Variants in EYA1 observed in about 807,000 individuals in gnomAD.
EYA1 encodes the protein protein phosphatase EYA1.
Under a neutral mutation model 82.0 loss-of-function variants are expected in EYA1, and 16 were observed. The observed-to-expected ratio is 0.20, with a 90% CI of 0.13 to 0.30. The LOEUF (loss-of-function observed/expected upper bound fraction) is 0.30. Among genes scored for constraint, EYA1 ranks in the 10% least tolerant of loss-of-function variants. The probability of loss-of-function intolerance (pLI) is 1.00; values close to 1 mark genes in which losing one functional copy is unlikely to be tolerated. For missense variants in EYA1, 633 were observed against 730.7 expected, an observed-to-expected ratio of 0.87 and a Z score of 1.54; for synonymous variants, 261 against 264.4, an observed-to-expected ratio of 0.99 and a Z score of 0.12.
chr8:71,271,735 C>G, intron 10 of EYA1, 23 bp downstream of exon 10: 1 of 1,614,150 alleles, frequency 6.2e-7, no homozygotes, highest in Non-Finnish European at 8.5e-7. Context: ...TTTCTATTCA[C>G]TTGGGTGTTG....
intron 2 of EYA1, among the ~76,000 whole-genome samples, chr8:71,399,931 G>T (rs538291952): frequency 2.0e-4 from 31 of 152,238 alleles, no homozygotes; most frequent in Non-Finnish European, 3.7e-4. Context: ...AAACAGAATG[G>T]CTCTGGTATA....
chr8:71,252,488 C>T (rs1037922149), intron 11 of EYA1, among the ~76,000 whole-genome samples: 2 of 152,088 alleles, frequency 1.3e-5, no homozygotes, highest in Admixed American at 6.5e-5. Context: ...CATACAATTC[C>T]TCATACCAAT....
chr8:71,233,437 G>A (rs1038668378), intron 12 of EYA1, among the ~76,000 whole-genome samples: 2 of 151,848 alleles, frequency 1.3e-5, no homozygotes, highest in South Asian at 2.1e-4. Flanking sequence ...GGTGGTGGGC[G>A]CCTGTATTCC....
intron 16 of EYA1, among the ~76,000 whole-genome samples, chr8:71,213,961 C>A (rs1363006363): frequency 6.6e-6 from 1 of 152,114 alleles, no homozygotes; most frequent in Non-Finnish European, 1.5e-5. Flanking sequence ...CAAACCCAGT[C>A]CTCAAGATTA....
chr8:71,510,947 A>G (rs1326289200), intron 2 of EYA1, among the ~76,000 whole-genome samples: 1 of 152,056 alleles, frequency 6.6e-6, no homozygotes, highest in African/African-American at 2.4e-5. Flanking sequence ...TGTGCCAGGG[A>G]GGGAGTCTTT....
At chr8:71,397,938 G>A (rs1357052507) in intron 2 of EYA1, among the ~76,000 whole-genome samples, 1 of 152,150 alleles carries the variant, frequency 6.6e-6, no homozygotes, top group African/African-American at 2.4e-5. Flanking sequence ...ATCAGACATA[G>A]ATTTGGTGTT....
At chr8:71,347,302 C>T (rs1239689946) in intron 3 of EYA1, among the ~76,000 whole-genome samples, 1 of 150,884 alleles carries the variant, frequency 6.6e-6, no homozygotes, top group Non-Finnish European at 1.5e-5. Context: ...AAAAGTTACC[C>T]TAAAGATTGT....
intron 2 of EYA1, among the ~76,000 whole-genome samples, chr8:71,402,228 C>G (rs1201063983): frequency 6.6e-6 from 1 of 152,160 alleles, no homozygotes; most frequent in Non-Finnish European, 1.5e-5. Flanking sequence ...TTCCCCAGAC[C>G]TCAGTTAGAG....
intron 2 of EYA1, among the ~76,000 whole-genome samples, chr8:71,372,244 T>C (rs1018387058): frequency 6.6e-6 from 1 of 152,106 alleles, no homozygotes; most frequent in East Asian, 1.9e-4. Flanking sequence ...ACTTCAGACT[T>C]CTCAATTAGA....
At chr8:71,369,216 A>C (rs1366894048) in intron 2 of EYA1, among the ~76,000 whole-genome samples, 3 of 151,994 alleles carry the variant, frequency 2.0e-5, no homozygotes, top group Admixed American at 2.0e-4. Context: ...AAAAAAAAAA[A>C]AAAAAAACTT....
chr8:71,510,840 A>C (rs1157705346), intron 2 of EYA1, among the ~76,000 whole-genome samples: 1 of 152,248 alleles, frequency 6.6e-6, no homozygotes, highest in Non-Finnish European at 1.5e-5. Flanking sequence ...AAGGGCTTAC[A>C]AGGCTGAAGA....
intron 2 of EYA1, among the ~76,000 whole-genome samples, chr8:71,381,423 A>C (rs1485538352): frequency 6.6e-6 from 1 of 152,206 alleles, no homozygotes; most frequent in East Asian, 1.9e-4. Context: ...AAGCTGCTCT[A>C]TGCCAAAAGG....
intron 2 of EYA1, among the ~76,000 whole-genome samples, chr8:71,424,086 G>T (rs1385556059): frequency 6.6e-6 from 1 of 152,176 alleles, no homozygotes; most frequent in African/African-American, 2.4e-5. Context: ...AAGACAAAAT[G>T]TTGGATGAAA....
rs992024363 is a variant in EYA1, at chr8:71,198,498, A to G, written c.*842T>C. On this transcript the variant is annotated 3_prime_UTR_variant, in exon 18 of 18. Transcript: ENST00000340726. ...CGAAAACTCAGATAAGGCACGGCACATGAATTTGTGCACGTGCTGCCTCAT... is the reference window on the plus strand; with the variant it reads ...CGAAAACTCAGATAAGGCACGGCACGTGAATTTGTGCACGTGCTGCCTCAT... 6.6e-6 allele frequency: 1 copy of G among 152,608 alleles called. No individual in the cohort carries two copies. Among genetic ancestry groups the G allele is most frequent in the African/African-American group, 2.4e-5 (1 of 41,446 alleles). 9.5% of individuals were successfully genotyped at this position (152,608 alleles called of 1,614,324 possible).
chr8:71,420,366 T>C (rs1401939632), intron 2 of EYA1, among the ~76,000 whole-genome samples: 3 of 152,158 alleles, frequency 2.0e-5, no homozygotes, highest in Admixed American at 2.0e-4. Flanking sequence ...ACAAAGCACA[T>C]TTAAACAACC....
chr8:71,379,187 C>T (rs1402509314), intron 2 of EYA1, among the ~76,000 whole-genome samples: 1 of 152,056 alleles, frequency 6.6e-6, no homozygotes, highest in African/African-American at 2.4e-5. Flanking sequence ...GGCTACCGTG[C>T]AGACCAAGGA....
At position 71,203,243 on chromosome 8, in the gene EYA1, AAG is replaced by A. The variant is rs140028819; in HGVS notation, c.1699-3825_1699-3824del. On this transcript the variant is annotated intron_variant, in intron 17 of 17. Transcript: ENST00000340726. ...ATGACTCAGGGTTGCTTCTAGGTCAAAGAAAGTCTGTGACTTTATTATCAAAA... is the reference window on the plus strand; with the variant it reads ...ATGACTCAGGGTTGCTTCTAGGTCAAAAAGTCTGTGACTTTATTATCAAAA... Among the ~76,000 whole-genome samples, 526 of 152,294 alleles carry A rather than the reference AAG, an allele frequency of 3.5e-3. 1 individual carries two copies. Among genetic ancestry groups the A allele is most frequent in the African/African-American group, 0.012 (489 of 41,554 alleles).
chr8:71,263,308 G>C (rs890776643), intron 11 of EYA1, among the ~76,000 whole-genome samples: 1 of 152,034 alleles, frequency 6.6e-6, no homozygotes, highest in African/African-American at 2.4e-5. Flanking sequence ...CCCTCCCCTG[G>C]GGATTGAATG....
chr8:71,316,176 G>A (rs909876710), intron 7 of EYA1, among the ~76,000 whole-genome samples: 1 of 152,006 alleles, frequency 6.6e-6, no homozygotes, highest in Admixed American at 6.6e-5. Flanking sequence ...TCAAAGAAAG[G>A]TATCAAATGT....
Sources: allele counts gnomAD v4.1 joint callset (sites outside exome capture counted in the v4.1 genomes callset), GRCh38; gene constraint gnomAD v4.1.1; transcripts MANE v1.5; gene names NCBI Gene and HGNC (gene_info 2026-07-23, HGNC 2026-07-21).